PSD3: variants seen among roughly 807,000 people sequenced by gnomAD.
PSD3 encodes the protein PH and SEC7 domain-containing protein 3.
Under a neutral mutation model 105.5 loss-of-function variants are expected in PSD3, and 49 were observed. The ratio of observed to expected loss-of-function variants is 0.46; its 90% CI spans 0.37 to 0.59. PSD3 has a LOEUF of 0.59. Ranked by LOEUF, PSD3 falls within the 20% of genes least tolerant of loss-of-function variation. The pLI, the probability that PSD3 is intolerant of heterozygous loss-of-function variation, is 0.00. For synonymous variants in PSD3, 557 were observed against 457.8 expected, an observed-to-expected ratio of 1.22 and a Z score of -2.77; for missense variants, 1,561 against 1,263.8, an observed-to-expected ratio of 1.24 and a Z score of -3.57.
chr8:18,847,794 G>T (rs374199095), intron 4 of PSD3, among the ~76,000 whole-genome samples: 2 of 152,164 alleles, frequency 1.3e-5, no homozygotes, highest in Non-Finnish European at 2.9e-5. Context: ...CAAACACAAG[G>T]CTACCCTGGG....
intron 15 of PSD3, among the ~76,000 whole-genome samples, chr8:18,540,748 G>C (rs1048072573): frequency 2.0e-5 from 3 of 152,142 alleles, no homozygotes; most frequent in Non-Finnish European, 4.4e-5. Flanking sequence ...ACACAAGACA[G>C]AGTGTGTCAG....
chr8:18,671,224 G>A (rs939062492), intron 9 of PSD3, among the ~76,000 whole-genome samples: 3 of 152,170 alleles, frequency 2.0e-5, no homozygotes, highest in East Asian at 1.9e-4. Context: ...ACTCCACTTC[G>A]CCGATCTAGG....
At chr8:18,733,757 T>C (rs1208193171) in intron 9 of PSD3, 2 of 152,670 alleles carry the variant, frequency 1.3e-5, no homozygotes, top group Non-Finnish European at 2.9e-5. Flanking sequence ...TTCTTCCAGC[T>C]ACAGATGTTA....
chr8:18,564,987 C>A (rs1801646704), intron 14 of PSD3, among the ~76,000 whole-genome samples: 1 of 152,118 alleles, frequency 6.6e-6, no homozygotes, highest in South Asian at 2.1e-4. Flanking sequence ...ACCTAGATAT[C>A]AGGAAATGAA....
chr8:18,860,320 T>A (rs1816343377), intron 4 of PSD3, among the ~76,000 whole-genome samples: 1 of 151,884 alleles, frequency 6.6e-6, no homozygotes, highest in Non-Finnish European at 1.5e-5. Context: ...ATAACAGATA[T>A]AACAGTAATG....
intron 12 of PSD3, among the ~76,000 whole-genome samples, chr8:18,592,160 CA>C (rs1455672397): frequency 2.0e-5 from 3 of 151,864 alleles, no homozygotes; most frequent in Non-Finnish European, 4.4e-5. Flanking sequence ...GATGAATAAA[CA>C]AAATGAGAAT....
chr8:18,635,272 G>T (rs1355344086), intron 10 of PSD3, among the ~76,000 whole-genome samples: 1 of 152,038 alleles, frequency 6.6e-6, no homozygotes, highest in Non-Finnish European at 1.5e-5. Flanking sequence ...TCTCCAAGGA[G>T]CCTTGGTTCT....
At chr8:19,045,059 C>G (rs1222722685) in intron 1 of PSD3, among the ~76,000 whole-genome samples, 1 of 152,112 alleles carries the variant, frequency 6.6e-6, no homozygotes, top group East Asian at 1.9e-4. Context: ...GTGGTGCACA[C>G]CAGTAGTCCC....
intron 9 of PSD3, among the ~76,000 whole-genome samples, chr8:18,736,159 C>A (rs1350799249): frequency 1.3e-5 from 2 of 152,170 alleles, no homozygotes; most frequent in Non-Finnish European, 2.9e-5. Context: ...CACGTAATTT[C>A]TATAACCTCC....
chr8:19,084,215 C>T (rs564854810), exon 1 of PSD3: 1 of 450,918 alleles, frequency 2.2e-6, no homozygotes, highest in Non-Finnish European at 4.5e-6. Context: ...CCTTGAGAGG[C>T]AGAGTGGCAG....
intron 4 of PSD3, among the ~76,000 whole-genome samples, chr8:18,828,308 G>C (rs999744630): frequency 4.0e-5 from 6 of 151,810 alleles, no homozygotes; most frequent in African/African-American, 1.5e-4. Flanking sequence ...TAGTTTTATA[G>C]TTGCTGGTTC....
chr8:19,022,864 C>CG (rs1554570767), intron 1 of PSD3, among the ~76,000 whole-genome samples: 1 of 143,694 alleles, frequency 7.0e-6, no homozygotes, highest in Non-Finnish European at 1.5e-5. Flanking sequence ...TCTCAGGACC[C>CG]TTTTTTTTTT....
At chr8:18,817,526 G>A (rs1586113444) in intron 4 of PSD3, among the ~76,000 whole-genome samples, 1 of 152,154 alleles carries the variant, frequency 6.6e-6, no homozygotes, top group South Asian at 2.1e-4. Flanking sequence ...TTTAACATAC[G>A]CTCAGTACAA....
intron 9 of PSD3, among the ~76,000 whole-genome samples, chr8:18,676,498 A>C (rs990695727): frequency 6.6e-6 from 1 of 152,164 alleles, no homozygotes; most frequent in African/African-American, 2.4e-5. Flanking sequence ...TGCTCTCATA[A>C]TGTTTAAATA....
At chr8:18,798,309 G>A (rs1810369674) in intron 8 of PSD3, among the ~76,000 whole-genome samples, 1 of 152,044 alleles carries the variant, frequency 6.6e-6, no homozygotes, top group East Asian at 1.9e-4. Flanking sequence ...GAACTTTCTA[G>A]CTGAGTATTT....
intron 4 of PSD3, among the ~76,000 whole-genome samples, chr8:18,828,879 A>C (rs911552645): frequency 6.6e-6 from 1 of 152,142 alleles, no homozygotes; most frequent in African/African-American, 2.4e-5. Flanking sequence ...CAAGCAGATC[A>C]CATGAGGCCA....
chr8:18,979,364 C>G (rs1445152853), intron 1 of PSD3, among the ~76,000 whole-genome samples: 1 of 152,190 alleles, frequency 6.6e-6, no homozygotes, highest in Non-Finnish European at 1.5e-5. Flanking sequence ...GCAGCTCTTA[C>G]ATGATGCCAA....
At chr8:18,607,694 AACAAAAC>A (rs1457097645) in intron 11 of PSD3, among the ~76,000 whole-genome samples, 2 of 90,024 alleles carry the variant, frequency 2.2e-5, no homozygotes, top group African/African-American at 1.0e-4. Flanking sequence ...AAAAAAAAAA[AACAAAAC>A]AAAAAAAAAA....
At chr8:19,079,376 A>G (rs929450924) in intron 1 of PSD3, among the ~76,000 whole-genome samples, 14 of 152,198 alleles carry the variant, frequency 9.2e-5, no homozygotes, top group Non-Finnish European at 1.8e-4. Context: ...TTTAATCTAT[A>G]TATCTGTTAA....
Sources: gnomAD v4.1 joint callset for allele counts (sites outside exome capture counted in the v4.1 genomes callset) on GRCh38, gnomAD v4.1.1 for gene constraint, MANE v1.5 for transcripts, NCBI Gene and HGNC (gene_info 2026-07-23, HGNC 2026-07-21) for gene names.